TNNT3: variants seen among roughly 807,000 people sequenced by gnomAD.
TNNT3 encodes the protein troponin T, fast skeletal muscle.
In TNNT3, 36 loss-of-function variants were observed where a neutral mutation model predicts 54.2. The ratio of observed to expected loss-of-function variants is 0.66; its 90% CI spans 0.51 to 0.88. The LOEUF (loss-of-function observed/expected upper bound fraction) is 0.88, where lower values mean the gene tolerates loss of function less well. TNNT3 is among the 40% of genes least tolerant of loss of function. The pLI, the probability that TNNT3 is intolerant of heterozygous loss-of-function variation, is 0.00. For missense variants in TNNT3, 291 were observed against 331.6 expected (o/e 0.88, Z 0.95); for synonymous variants, 120 against 109.7 (o/e 1.09, Z -0.59).
Position 1,926,809 on chromosome 11 carries a change from C to G in TNNT3, c.82+100C>G. On this transcript the variant is annotated intron_variant, in intron 6 of 15. Transcript: ENST00000278317. Reference sequence around the variant, plus strand: ...GCCCACCCCTTGTGACGTTTGCCACCAACAACTGAACCCGTTCTGGCCTCT... The same window carrying G: ...GCCCACCCCTTGTGACGTTTGCCACGAACAACTGAACCCGTTCTGGCCTCT... The G allele has an allele frequency of 2.7e-6, 4 of 1,508,944 alleles. No individual in the cohort carries two copies. The Admixed American group carries it at 6.7e-5, about 25-fold the overall frequency. 93.5% of individuals were successfully genotyped at this position (1,508,944 alleles called of 1,614,324 possible).
At chr11:1,928,271 C>T (rs996483875) in intron 6 of TNNT3, among the ~76,000 whole-genome samples, 2 of 152,178 alleles carry the variant, frequency 1.3e-5, no homozygotes, top group Non-Finnish European at 2.9e-5. Context: ...CAGCGGCAGA[C>T]CCCCCTCCTG....
chr11:1,929,772 T>C (rs878951719), intron 7 of TNNT3, 38 bp from the exon 8 acceptor site: 4 of 1,551,748 alleles, frequency 2.6e-6, no homozygotes, highest in Non-Finnish European at 2.6e-6. Flanking sequence ...CTCCCCACGC[T>C]GGTGTCCCTC....
Position 1,936,982 on chromosome 11 carries a change from G to T in TNNT3, c.701G>T (p.Arg234Leu), listed in dbSNP as rs747756859. The T allele has an allele frequency of 6.9e-6, 11 of 1,605,814 alleles. No individual in the cohort carries two copies. Among genetic ancestry groups the T allele is most frequent in the Non-Finnish European group, 9.3e-6 (11 of 1,177,428 alleles). ...TCACAGATCACCACGCTCAGGAGCC[G>T]CATTGACCAGGCCCAGAAGCAGTGA... ...QKYDITTLRS[R>L]IDQAQKHSKK... Residue 234 changes from arginine to leucine, a missense_variant, in exon 15 of 16, where the codon CGC becomes CTC. Physicochemically the swap from Arg to Leu is moderately radical, Grantham distance 102. Coordinates refer to ENST00000278317, the MANE Select transcript of TNNT3 (RefSeq NM_006757.4).
chr11:1,938,542 C>T lies in TNNT3; in HGVS notation c.*50C>T. 6.4e-7 allele frequency: 1 copy of T among 1,574,078 alleles called. No homozygotes were observed. The highest frequency in any genetic ancestry group is 8.7e-7 in the Non-Finnish European group (1 of 1,146,392). On this transcript the variant is annotated 3_prime_UTR_variant, in exon 16 of 16. Coordinates refer to ENST00000278317, the MANE Select transcript of TNNT3 (RefSeq NM_006757.4). ...CAGAGACCCTCCGCCCTCTTGCACA[C>T]CAGGGCCGCTCGTGGGACTCCACAT... is the stretch of plus-strand genomic sequence containing the variant.
chr11:1,926,385 C>A, intron 5 of TNNT3: 1 of 1,565,408 alleles, frequency 6.4e-7, no homozygotes, highest in Non-Finnish European at 8.8e-7. Context: ...TGGCGACGGG[C>A]TTTTCCATTA....
chr11:1,932,614 G>C, intron 9 of TNNT3, 100 bp downstream of exon 9: 2 of 1,218,182 alleles, frequency 1.6e-6, no homozygotes, highest in Non-Finnish European at 2.4e-6. Flanking sequence ...AGTAGCCAGA[G>C]CCGGGGCCTC....
At chr11:1,924,866 C>CCCAG (rs1245205856) in intron 4 of TNNT3, 4 of 637,786 alleles carry the variant, frequency 6.3e-6, no homozygotes, top group Non-Finnish European at 1.1e-5. Flanking sequence ...AGGGGCCGGG[C>CCCAG]CCAGCCCAGC....
rs1036992047 is a variant in TNNT3, at chr11:1,920,524, A to G, written c.-19+762A>G. 4.7e-5 allele frequency among the ~76,000 whole-genome samples: 6 copies of G among 126,830 alleles called. No individual in the cohort carries two copies. In the Admixed American group the frequency reaches 6.0e-4, roughly 13 times the overall value. 83.2% of individuals were successfully genotyped at this position (126,830 alleles called of 152,430 possible). On this transcript the variant is annotated intron_variant, in intron 1 of 15. Transcript: ENST00000278317. ...TCCCCCTGACTTGTGCCGTCTGATC[A>G]GGCCTTGGCTGCCCCTCCTGAAGTC... is the stretch of plus-strand genomic sequence containing the variant.
intron 14 of TNNT3, 136 bp downstream of exon 14, chr11:1,935,055 G>A (rs1388640127): frequency 1.2e-5 from 10 of 826,012 alleles, no homozygotes; most frequent in Non-Finnish European, 1.8e-5. Flanking sequence ...CAAACAGGCT[G>A]TTGCCACGGA....
chr11:1,922,143 G>A lies in TNNT3; in HGVS notation c.-18-714G>A, dbSNP rs534234156. Among the ~76,000 whole-genome samples the A allele has an allele frequency of 2.6e-5, 4 of 152,282 alleles. 1 individual carries two copies. The East Asian group carries it at 7.7e-4, about 29-fold the overall frequency. ...GGAAGCGGCCCAGACCCAACCCAAC[G>A]TGCTCTGGGGCTCAGCCTCAATGTT... On this transcript the variant is annotated intron_variant, in intron 1 of 15. Transcript: ENST00000278317.
In TNNT3 at chr11:1,923,040, C is replaced by A. The variant is rs1457484122; in HGVS notation, c.18-8C>A. 19 of 1,614,000 alleles carry A rather than the reference C, an allele frequency of 1.2e-5. No homozygotes were observed. The highest frequency in any genetic ancestry group is 3.3e-5 in the Admixed American group (2 of 60,030). The stretch of plus-strand genomic sequence containing the variant: ...CTCTTTCTTTCTCTCTCTCTCCCTG[C>A]CCCACAGTGAACAGGTGGAGGGTAA... On this transcript the variant is annotated splice_polypyrimidine_tract_variant and splice_region_variant and intron_variant, in intron 2 of 15. Coordinates refer to ENST00000278317, the MANE Select transcript of TNNT3 (RefSeq NM_006757.4).
rs764992043 is a variant in TNNT3 at position 1,932,435 on chromosome 11, T to A, written c.126-34T>A. The A allele has an allele frequency of 3.0e-5, 49 of 1,611,212 alleles. 1 individual carries two copies. In the East Asian group the frequency reaches 1.1e-3, roughly 36 times the overall value. On this transcript the variant is annotated intron_variant, in intron 8 of 15. Transcript: ENST00000278317. ...TGACCCTCTGGGGTGGGTCTCCGGG[T>A]CTCTGCTCACGGGCCTCTCTGTCTC... is the stretch of plus-strand genomic sequence containing the variant.
intron 5 of TNNT3, among the ~76,000 whole-genome samples, chr11:1,926,160 G>A (rs775412466): frequency 2.6e-5 from 4 of 152,174 alleles, no homozygotes; most frequent in Non-Finnish European, 5.9e-5. Flanking sequence ...ATGGGGGCGA[G>A]CAAAGGAAGG....
At position 1,929,884 on chromosome 11, in the gene TNNT3, T is replaced by C. The variant is rs139903501; in HGVS notation, c.125+56T>C. On this transcript the variant is annotated intron_variant, in intron 8 of 15. Transcript: ENST00000278317. ...TGAGTGTGTTCTGGGGTGGGGGTGG[T>C]CAAGTGAGTGTGGGGTCCTGGCAGG... 3.4e-3 allele frequency: 4,957 copies of C among 1,469,244 alleles called. 148 individuals carry two copies. The African/African-American group carries it at 0.058, about 17-fold the overall frequency. 91.0% of individuals were successfully genotyped at this position (1,469,244 alleles called of 1,614,324 possible).
At chr11:1,932,443 C>T (rs774212426) in intron 8 of TNNT3, 26 bp from the exon 9 acceptor site, 10 of 1,612,770 alleles carry the variant, frequency 6.2e-6, no homozygotes, top group Admixed American at 1.7e-5. Flanking sequence ...GGTCTCTGCT[C>T]ACGGGCCTCT....
intron 5 of TNNT3, chr11:1,926,387 T>A (rs1851587430): frequency 6.3e-7 from 1 of 1,574,804 alleles, no homozygotes; most frequent in Admixed American, 1.7e-5. Context: ...GCGACGGGCT[T>A]TTCCATTAAC....
chr11:1,925,319 G>A (rs915661242), intron 5 of TNNT3: 3 of 1,562,950 alleles, frequency 1.9e-6, no homozygotes, highest in African/African-American at 2.7e-5. Flanking sequence ...GGGGCCCGGG[G>A]CCTGGCTGGA....
At chr11:1,930,760 C>T (rs530466430) in intron 8 of TNNT3, among the ~76,000 whole-genome samples, 15 of 152,258 alleles carry the variant, frequency 9.9e-5, no homozygotes, top group Admixed American at 6.5e-4. Flanking sequence ...ACCCTTTGCA[C>T]TGTATTTTTC....
At chr11:1,933,352 C>T (rs1000486925) in intron 9 of TNNT3, among the ~76,000 whole-genome samples, 1 of 152,166 alleles carries the variant, frequency 6.6e-6, no homozygotes, top group Admixed American at 6.5e-5. Flanking sequence ...CACATGCCTA[C>T]CTATGTATCC....
Sources: gnomAD v4.1 joint callset for allele counts (sites outside exome capture counted in the v4.1 genomes callset) on GRCh38, gnomAD v4.1.1 for gene constraint, MANE v1.5 for transcripts, NCBI Gene and HGNC (gene_info 2026-07-23, HGNC 2026-07-21) for gene names.